Variants in ESRRG observed in about 807,000 individuals in gnomAD.
ESRRG encodes the protein estrogen related receptor gamma.
Under a neutral mutation model 44.0 loss-of-function variants are expected in ESRRG, and 13 were observed. The observed-to-expected ratio is 0.30, with a 90% confidence interval of 0.19 to 0.47. ESRRG has a LOEUF of 0.47. ESRRG is among the 20% of genes least tolerant of loss of function. ESRRG has a pLI of 1.00. For synonymous variants in ESRRG, 215 were observed against 214.6 expected, an observed-to-expected ratio of 1.00 and a Z score of -0.02; for missense variants, 395 against 580.6, an observed-to-expected ratio of 0.68 and a Z score of 3.29.
intron 3 of ESRRG, among the ~76,000 whole-genome samples, chr1:216,650,110 CTG>C (rs1423342250): frequency 6.6e-6 from 1 of 152,102 alleles, no homozygotes; most frequent in Admixed American, 6.6e-5. Context: ...CTTTATAAAA[CTG>C]TGTTTATTTC....
chr1:217,014,926 C>A (rs931442783), intron 1 of ESRRG, among the ~76,000 whole-genome samples: 1 of 152,096 alleles, frequency 6.6e-6, no homozygotes, highest in African/African-American at 2.4e-5. Context: ...TCAGGTTGCT[C>A]ATTCCACAGC....
intron 2 of ESRRG, among the ~76,000 whole-genome samples, chr1:216,910,072 A>G (rs1225332026): frequency 2.0e-5 from 3 of 152,208 alleles, no homozygotes; most frequent in Non-Finnish European, 4.4e-5. Context: ...AGATAAATAG[A>G]ATAATAATAC....
chr1:217,011,091 C>T (rs778459531), intron 1 of ESRRG, among the ~76,000 whole-genome samples: 12 of 152,120 alleles, frequency 7.9e-5, no homozygotes, highest in Non-Finnish European at 1.8e-4. Context: ...ACTCATAGTA[C>T]CATATGATCT....
chr1:216,997,371 T>A (rs1260504999), intron 1 of ESRRG, among the ~76,000 whole-genome samples: 1 of 152,198 alleles, frequency 6.6e-6, no homozygotes, highest in Non-Finnish European at 1.5e-5. Flanking sequence ...AGCAGCCACT[T>A]CATTTAGCAG....
intron 1 of ESRRG, among the ~76,000 whole-genome samples, chr1:217,072,068 A>G (rs193261566): frequency 6.6e-6 from 1 of 152,324 alleles, no homozygotes; most frequent in Admixed American, 6.5e-5. Context: ...TGCACTTATA[A>G]TGTAATTATT....
chr1:217,048,850 T>C (rs1580072465), intron 1 of ESRRG, among the ~76,000 whole-genome samples: 2 of 152,202 alleles, frequency 1.3e-5, no homozygotes, highest in South Asian at 4.1e-4. Flanking sequence ...GGCCCCACTC[T>C]ATCTGCTCTC....
chr1:217,046,677 A>G (rs1261002572), intron 1 of ESRRG, among the ~76,000 whole-genome samples: 3 of 152,184 alleles, frequency 2.0e-5, no homozygotes, highest in Non-Finnish European at 4.4e-5. Flanking sequence ...TGAGTCCAGG[A>G]GTTCGAGACC....
chr1:216,822,318 C>G lies in ESRRG; in HGVS notation c.-14+117264G>C, dbSNP rs186233335. On this transcript the variant is annotated intron_variant, in intron 2 of 7. Transcript: ENST00000359162. ...AATTAAAGTCTGAATAGATAATAAT[C>G]TATACAAAATAGCTAACAGTTGGAG... Among the ~76,000 whole-genome samples the G allele has an allele frequency of 2.1e-3, 318 of 152,272 alleles. 1 individual carries two copies. The highest frequency in any genetic ancestry group is 6.8e-3 in the African/African-American group (281 of 41,550).
chr1:216,978,335 A>G (rs1340951984), intron 1 of ESRRG, among the ~76,000 whole-genome samples: 2 of 152,166 alleles, frequency 1.3e-5, no homozygotes, highest in Admixed American at 6.6e-5. Flanking sequence ...TGAAACAGAG[A>G]CTATATAGCT....
chr1:216,754,828 C>T (rs985687860), intron 2 of ESRRG, among the ~76,000 whole-genome samples: 20 of 150,712 alleles, frequency 1.3e-4, no homozygotes, highest in Admixed American at 1.1e-3. Context: ...CACTCTCAAA[C>T]GTTCCTTTTC....
chr1:216,956,786 A>G (rs1305120608), intron 1 of ESRRG, among the ~76,000 whole-genome samples: 1 of 152,176 alleles, frequency 6.6e-6, no homozygotes, highest in African/African-American at 2.4e-5. Context: ...TAAAATCTTG[A>G]AAGCTAACAG....
chr1:216,558,878 G>GT (rs995962513), intron 5 of ESRRG, among the ~76,000 whole-genome samples: 14 of 150,492 alleles, frequency 9.3e-5, no homozygotes, highest in East Asian at 3.9e-4. Flanking sequence ...TTGTTTTTTT[G>GT]TTTTTTTTGC....
intron 1 of ESRRG, among the ~76,000 whole-genome samples, chr1:216,944,031 C>T (rs1321025080): frequency 1.3e-5 from 2 of 152,080 alleles, no homozygotes; most frequent in African/African-American, 4.8e-5. Context: ...AAGAAAAGTG[C>T]CTCAAAGATT....
intron 2 of ESRRG, among the ~76,000 whole-genome samples, chr1:216,659,730 G>A (rs960516874): frequency 3.9e-5 from 6 of 152,100 alleles, no homozygotes; most frequent in Admixed American, 6.6e-5. Context: ...ACTGAGTTAG[G>A]GGTCTTTGTG....
intron 3 of ESRRG, among the ~76,000 whole-genome samples, chr1:216,639,527 G>T (rs1296288858): frequency 6.6e-6 from 1 of 152,054 alleles, no homozygotes; most frequent in African/African-American, 2.4e-5. Context: ...ACCAGAAATT[G>T]GTACAGAAAC....
intron 3 of ESRRG, among the ~76,000 whole-genome samples, chr1:216,575,832 T>C (rs2061590638): frequency 6.6e-6 from 1 of 152,046 alleles, no homozygotes; most frequent in Non-Finnish European, 1.5e-5. Context: ...CATCATGATA[T>C]GGGGCACATA....
At chr1:216,888,324 AT>A (rs2057321821) in intron 2 of ESRRG, among the ~76,000 whole-genome samples, 1 of 152,118 alleles carries the variant, frequency 6.6e-6, no homozygotes, top group Non-Finnish European at 1.5e-5. Flanking sequence ...TTACCTTCAA[AT>A]TGTAGTAATC....
At chr1:216,943,724 A>G (rs1374074231) in intron 1 of ESRRG, among the ~76,000 whole-genome samples, 1 of 152,196 alleles carries the variant, frequency 6.6e-6, no homozygotes, top group African/African-American at 2.4e-5. Flanking sequence ...TCCTTTAGTC[A>G]TTCTGAAGAT....
chr1:216,684,279 A>G lies in ESRRG; in HGVS notation c.57-6788T>C, dbSNP rs2077540391. Among the ~76,000 whole-genome samples the G allele has an allele frequency of 1.3e-5, 2 of 152,160 alleles. 1 individual carries two copies. Among genetic ancestry groups the G allele is most frequent in the South Asian group, 4.1e-4 (2 of 4,826 alleles). ...TGCTTCCTGGTTGATAAACTTTATT[A>G]ATGGGAAAAGAAATGGTCCTGTGAT... On this transcript the variant is annotated intron_variant, in intron 1 of 6. Coordinates refer to ENST00000408911, the MANE Select transcript of ESRRG (RefSeq NM_001438.4).
Sources: allele counts gnomAD v4.1 joint callset (sites outside exome capture counted in the v4.1 genomes callset), GRCh38; gene constraint gnomAD v4.1.1; transcripts MANE v1.5; gene names NCBI Gene and HGNC (gene_info 2026-07-23, HGNC 2026-07-21).